FER: variants seen among roughly 807,000 people sequenced by gnomAD.
The protein encoded by FER is tyrosine-protein kinase Fer.
FER carries 63 observed loss-of-function variants against 111.0 expected under a neutral mutation model. The ratio of observed to expected loss-of-function variants is 0.57; its 90% CI spans 0.46 to 0.70. The LOEUF is 0.70. FER is among the 30% of genes least tolerant of loss of function. The pLI, the probability that FER is intolerant of heterozygous loss-of-function variation, is 0.00. For missense variants in FER, 914 were observed against 954.0 expected (o/e 0.96, Z 0.55); for synonymous variants, 327 against 313.9 (o/e 1.04, Z -0.44).
At chr5:109,069,006 A>G (rs1032830759) in intron 16 of FER, among the ~76,000 whole-genome samples, 3 of 151,936 alleles carry the variant, frequency 2.0e-5, no homozygotes, top group African/African-American at 4.9e-5. Flanking sequence ...ACTAATTAAA[A>G]AATTAATCTG....
At chr5:108,835,161 A>G (rs1760479914) in intron 4 of FER, among the ~76,000 whole-genome samples, 1 of 125,346 alleles carries the variant, frequency 8.0e-6, no homozygotes, top group African/African-American at 3.2e-5. Context: ...AGATAATGGC[A>G]GTGTTATTTC....
chr5:108,923,224 A>C (rs1424013302), intron 10 of FER, among the ~76,000 whole-genome samples: 3 of 152,064 alleles, frequency 2.0e-5, no homozygotes, highest in Non-Finnish European at 4.4e-5. Flanking sequence ...TCAGTGTACA[A>C]AATGAGATTT....
chr5:108,842,950 A>G (rs1162891757), intron 5 of FER: 3 of 152,262 alleles, frequency 2.0e-5, no homozygotes, highest in Admixed American at 6.5e-5. Context: ...ATGCACATGC[A>G]TGTTTATAGC....
chr5:108,897,280 C>T (rs993660836), intron 9 of FER, among the ~76,000 whole-genome samples: 1 of 152,140 alleles, frequency 6.6e-6, no homozygotes, highest in Non-Finnish European at 1.5e-5. Context: ...CTGACCCTAG[C>T]TATATTGCCT....
intron 2 of FER, among the ~76,000 whole-genome samples, chr5:108,772,920 T>A (rs1753082118): frequency 6.6e-6 from 1 of 152,214 alleles, no homozygotes; most frequent in Non-Finnish European, 1.5e-5. Context: ...AGAAGTAGAT[T>A]AAAATGCAAA....
At chr5:109,018,120 C>G (rs1430924697) in intron 13 of FER, among the ~76,000 whole-genome samples, 1 of 151,726 alleles carries the variant, frequency 6.6e-6, no homozygotes, top group Non-Finnish European at 1.5e-5. Context: ...TTTTTTACTT[C>G]TACTTAGTAC....
chr5:109,039,741 G>T (rs1419348884), intron 14 of FER, among the ~76,000 whole-genome samples: 2 of 152,030 alleles, frequency 1.3e-5, no homozygotes, highest in African/African-American at 2.4e-5. Flanking sequence ...TGATAGGAGA[G>T]GAAGTCTGTT....
chr5:108,968,323 G>A (rs1036540241), intron 13 of FER, among the ~76,000 whole-genome samples: 5 of 152,098 alleles, frequency 3.3e-5, no homozygotes, highest in African/African-American at 1.2e-4. Flanking sequence ...GGAGGCGGAG[G>A]TTGCAGTGAG....
At chr5:108,844,994 GTGTATATATATATA>G (rs1465465818) in intron 5 of FER, among the ~76,000 whole-genome samples, 5 of 42,648 alleles carry the variant, frequency 1.2e-4, no homozygotes, top group East Asian at 6.4e-4. Context: ...GTGTGTGTGT[GTGTATATATATATA>G]TATATATATA....
intron 16 of FER, among the ~76,000 whole-genome samples, chr5:109,099,254 A>C (rs1021346372): frequency 5.9e-5 from 9 of 151,582 alleles, no homozygotes; most frequent in African/African-American, 2.2e-4. Flanking sequence ...GTGAATGCAA[A>C]GTTTATGGTT....
intron 2 of FER, among the ~76,000 whole-genome samples, chr5:108,773,573 T>A (rs58530168): frequency 0.24 from 36,651 of 151,884 alleles, 4,669 homozygotes; most frequent in African/African-American, 0.32. Flanking sequence ...ATATGTACAC[T>A]TTTTTTTAAT....
rs992713778 is a variant in FER at position 109,188,401 on chromosome 5, G to GAAAC, written c.*828_*831dup. ...CCTGTCTCTACCAAAAAAAAAAAAA[G>GAAAC]AAACACACACACAACGCATGAAACG... is the stretch of plus-strand genomic sequence containing the variant. On this transcript the variant is annotated 3_prime_UTR_variant, in exon 20 of 20. Coordinates refer to ENST00000281092, the MANE Select transcript of FER (RefSeq NM_005246.4). 1.5e-5 allele frequency: 2 copies of GAAAC among 131,094 alleles called. No homozygotes were observed. The highest frequency in any genetic ancestry group is 3.3e-5 in the Non-Finnish European group (2 of 60,360). The allele number at this position is 131,094 out of a possible 1,614,324, so 8.1% of individuals were successfully genotyped here. A position where few individuals can be genotyped will look rare whatever the true frequency, so the allele number is the denominator to read the frequency against.
At chr5:109,150,084 G>A (rs1372465148) in intron 17 of FER, among the ~76,000 whole-genome samples, 4 of 151,946 alleles carry the variant, frequency 2.6e-5, no homozygotes, top group African/African-American at 9.7e-5. Flanking sequence ...TATCCCCACC[G>A]CCACCCCTGT....
At chr5:108,878,255 A>C (rs1765296916) in intron 8 of FER, among the ~76,000 whole-genome samples, 1 of 152,134 alleles carries the variant, frequency 6.6e-6, no homozygotes, top group African/African-American at 2.4e-5. Flanking sequence ...TATCTAACTA[A>C]AGCATGCAGA....
intron 17 of FER, among the ~76,000 whole-genome samples, chr5:109,177,024 G>T (rs1297640493): frequency 6.6e-6 from 1 of 152,092 alleles, no homozygotes; most frequent in East Asian, 1.9e-4. Context: ...AAATGAAACT[G>T]GCAAAGTCTG....
intron 9 of FER, among the ~76,000 whole-genome samples, chr5:108,885,273 A>G (rs1361001964): frequency 6.6e-6 from 1 of 151,880 alleles, no homozygotes; most frequent in African/African-American, 2.4e-5. Flanking sequence ...ATACAACCCA[A>G]CCAAACTCAA....
intron 13 of FER, among the ~76,000 whole-genome samples, chr5:108,960,366 G>T (rs1561681264): frequency 6.6e-6 from 1 of 152,018 alleles, no homozygotes; most frequent in African/African-American, 2.4e-5. Context: ...GATTTTAACA[G>T]TTGTTTGTTA....
intron 16 of FER, among the ~76,000 whole-genome samples, chr5:109,082,873 G>A (rs1265921557): frequency 6.6e-6 from 1 of 151,796 alleles, no homozygotes; most frequent in African/African-American, 2.4e-5. Context: ...ATTATTGACT[G>A]TTCATCATGT....
chr5:109,165,711 T>G (rs1756486526), intron 17 of FER, among the ~76,000 whole-genome samples: 2 of 151,922 alleles, frequency 1.3e-5, no homozygotes, highest in South Asian at 4.1e-4. Flanking sequence ...CTATGACTAT[T>G]CATGAGGGAA....
Sources: gnomAD v4.1 joint callset for allele counts (sites outside exome capture counted in the v4.1 genomes callset) on GRCh38, gnomAD v4.1.1 for gene constraint, MANE v1.5 for transcripts, NCBI Gene and HGNC (gene_info 2026-07-23, HGNC 2026-07-21) for gene names.